PHLDB2: variants seen among roughly 807,000 people sequenced by gnomAD.
PHLDB2 encodes the protein pleckstrin homology-like domain family B member 2.
In PHLDB2, 71 loss-of-function variants were observed where a neutral mutation model predicts 123.6. That is an observed-to-expected ratio of 0.57 (90% CI 0.47 to 0.70). The LOEUF (loss-of-function observed/expected upper bound fraction) is 0.70, where lower values mean the gene tolerates loss of function less well. Among genes scored for constraint, PHLDB2 ranks in the 30% least tolerant of loss-of-function variants. The pLI, the probability that PHLDB2 is intolerant of heterozygous loss-of-function variation, is 0.00. For missense variants in PHLDB2, 1,446 were observed against 1,519.5 expected, an observed-to-expected ratio of 0.95 and a Z score of 0.80; for synonymous variants, 547 against 541.6, an observed-to-expected ratio of 1.01 and a Z score of -0.14.
chr3:111,953,207 A>G (rs1196357000), intron 11 of PHLDB2, among the ~76,000 whole-genome samples: 2 of 152,194 alleles, frequency 1.3e-5, no homozygotes, highest in African/African-American at 4.8e-5. Flanking sequence ...TGACTAACCA[A>G]GGAGCCCTCA....
chr3:111,913,875 A>G, intron 3 of PHLDB2, 173 bp downstream of exon 3: 1 of 844,314 alleles, frequency 1.2e-6, no homozygotes, highest in Non-Finnish European at 1.8e-6. Flanking sequence ...TTTACTGTAA[A>G]GTAACAAATT....
chr3:111,790,398 C>A (rs1283721954), intron 1 of PHLDB2, among the ~76,000 whole-genome samples: 1 of 152,130 alleles, frequency 6.6e-6, no homozygotes. Flanking sequence ...GTACCAAGCT[C>A]CAAAGATCTT....
intron 1 of PHLDB2, among the ~76,000 whole-genome samples, chr3:111,734,579 C>A (rs998752739): frequency 2.0e-5 from 3 of 152,154 alleles, no homozygotes. Context: ...CTTTTTCTTT[C>A]CATTTCCTGA....
intron 1 of PHLDB2, chr3:111,883,849 T>G (rs1334591425): frequency 2.0e-6 from 1 of 496,198 alleles, no homozygotes; most frequent in East Asian, 3.4e-5. Flanking sequence ...TGTCCTTTTA[T>G]TTCTCTTTTG....
chr3:111,851,413 G>A (rs1250013664), intron 2 of PHLDB2, among the ~76,000 whole-genome samples: 1 of 152,022 alleles, frequency 6.6e-6, no homozygotes, highest in African/African-American at 2.4e-5. Context: ...GTATTTCTGT[G>A]AGCATTTTAG....
intron 1 of PHLDB2, among the ~76,000 whole-genome samples, chr3:111,802,539 T>C (rs187733284): frequency 9.5e-4 from 145 of 152,340 alleles, no homozygotes; most frequent in African/African-American, 3.4e-3. Context: ...CATGCTAGCA[T>C]AGAGCAAGAT....
intron 1 of PHLDB2, among the ~76,000 whole-genome samples, chr3:111,792,873 G>T (rs1327797007): frequency 1.3e-5 from 2 of 152,160 alleles, no homozygotes; most frequent in African/African-American, 4.8e-5. Context: ...CTGTGTACAA[G>T]AAATCCAATG....
intron 1 of PHLDB2, among the ~76,000 whole-genome samples, chr3:111,788,890 C>T (rs1246955342): frequency 6.6e-5 from 10 of 152,236 alleles, no homozygotes; most frequent in South Asian, 4.1e-4. Context: ...GAATAACTTA[C>T]GGGAAAGCAC....
At chr3:111,867,010 G>A (rs1367202801) in intron 1 of PHLDB2, among the ~76,000 whole-genome samples, 1 of 149,312 alleles carries the variant, frequency 6.7e-6, no homozygotes, top group Non-Finnish European at 1.5e-5. Context: ...TTCTTGATAT[G>A]GAGGGTTTGA....
chr3:111,968,173 C>G (rs2197207), intron 15 of PHLDB2, among the ~76,000 whole-genome samples: 51,218 of 151,876 alleles, frequency 0.34, 9,171 homozygotes, highest in Middle Eastern at 0.48. Context: ...GGATTTGCTG[C>G]TGAAAACAAA....
intron 1 of PHLDB2, among the ~76,000 whole-genome samples, chr3:111,866,014 A>ATTTCTTTTTTT (rs2065052964): frequency 1.7e-5 from 1 of 57,430 alleles, no homozygotes; most frequent in Non-Finnish European, 3.0e-5. Flanking sequence ...CCACCCACTC[A>ATTTCTTTTTTT]TTTTTTTTTT....
At chr3:111,844,405 T>C (rs9847140) in intron 1 of PHLDB2, among the ~76,000 whole-genome samples, 149,260 of 152,204 alleles carry the variant, frequency 0.98, 73,259 homozygotes, top group East Asian at 1. Flanking sequence ...TCAATATTTC[T>C]GTTCGTAGAT....
Position 111,962,242 on chromosome 3 carries a change from A to T in PHLDB2, c.3007A>T (p.Thr1003Ser). Residue 1003 changes from threonine to serine, a missense_variant, in exon 13 of 18, where the codon ACT (threonine) becomes TCT (serine). Around this residue, in one of 3 missense-constraint regions of PHLDB2, gnomAD observed 594 missense variants for 646.0 expected, o/e 0.92. Transcript: ENST00000431670. ...DHSYKDQAFD[T>S]LSLDSSDSME... The stretch of plus-strand genomic sequence containing the variant: ...CAGCTACAAGGACCAGGCCTTTGAT[A>T]CTCTGAGCCTCGATAGCTCTGATAG... 1.3e-6 allele frequency: 2 copies of T among 1,578,880 alleles called. No individual in the cohort carries two copies. Among genetic ancestry groups the T allele is most frequent in the African/African-American group, 2.8e-5 (2 of 72,374 alleles).
chr3:111,846,876 A>G (rs111804153), intron 2 of PHLDB2, among the ~76,000 whole-genome samples: 202 of 152,294 alleles, frequency 1.3e-3, no homozygotes, highest in African/African-American at 4.6e-3. Flanking sequence ...AAACATTGCA[A>G]TATGACGATG....
At chr3:111,922,760 G>C (rs544918387) in intron 5 of PHLDB2, among the ~76,000 whole-genome samples, 79 of 152,136 alleles carry the variant, frequency 5.2e-4, no homozygotes, top group Non-Finnish European at 7.4e-4. Context: ...TAATGACACA[G>C]CTATTTCATA....
In PHLDB2 at chr3:111,952,596, A is replaced by G; in HGVS notation, c.2656A>G (p.Lys886Glu). The G allele has an allele frequency of 6.2e-7, 1 of 1,612,906 alleles. No individual in the cohort carries two copies. Among genetic ancestry groups the G allele is most frequent in the South Asian group, 1.1e-5 (1 of 90,760 alleles). The change falls in exon 11 of 18, where the codon AAA (lysine) becomes GAA (glutamate). Residue 886 changes from lysine to glutamate, a missense_variant. Physicochemically the swap from Lys to Glu is moderately conservative, Grantham distance 56. Around this residue, in one of 3 missense-constraint regions of PHLDB2, gnomAD observed 594 missense variants for 646.0 expected, o/e 0.92. Transcript: ENST00000431670. The stretch of plus-strand genomic sequence containing the variant: ...GCACTTTAGAAGTCTGGAAGAAAGG[A>G]AAAAACAGCATAAAGAAGGCCTCTA... ...KEHFRSLEER[K>E]KQHKEGLYLS...
intron 12 of PHLDB2, among the ~76,000 whole-genome samples, chr3:111,958,499 C>CAGAATT (rs1172275205): frequency 6.6e-6 from 1 of 152,102 alleles, no homozygotes; most frequent in Non-Finnish European, 1.5e-5. Context: ...TCCAATTAGC[C>CAGAATT]AGAATTAATA....
chr3:111,803,906 G>C (rs2061473854), intron 1 of PHLDB2, among the ~76,000 whole-genome samples: 1 of 152,178 alleles, frequency 6.6e-6, no homozygotes, highest in Non-Finnish European at 1.5e-5. Flanking sequence ...TATCTTGAGA[G>C]TGGGGGGCAT....
chr3:111,879,294 C>T (rs2107303546), intron 1 of PHLDB2, among the ~76,000 whole-genome samples: 1 of 152,160 alleles, frequency 6.6e-6, no homozygotes, highest in East Asian at 1.9e-4. Flanking sequence ...GGGTATGTGT[C>T]CAGGAATTTG....
Sources: allele counts gnomAD v4.1 joint callset (sites outside exome capture counted in the v4.1 genomes callset), GRCh38; gene constraint gnomAD v4.1.1; regional missense constraint gnomAD v4.1.1; transcripts MANE v1.5; gene names NCBI Gene and HGNC (gene_info 2026-07-23, HGNC 2026-07-21).